The following VCAN variants were observed in gnomAD, a reference collection of about 807,000 sequenced individuals.
VCAN encodes versican.
In VCAN, 44 loss-of-function variants were observed where a neutral mutation model predicts 245.5. The observed-to-expected ratio is 0.18, with a 90% confidence interval of 0.14 to 0.23. VCAN has a LOEUF of 0.23. Among genes scored for constraint, VCAN ranks in the 10% least tolerant of loss-of-function variants. The probability of loss-of-function intolerance (pLI) is 1.00; values close to 1 mark genes in which losing one functional copy is unlikely to be tolerated. For missense variants in VCAN, 3,793 were observed against 4,057.9 expected, an observed-to-expected ratio of 0.93 and a Z score of 1.77; for synonymous variants, 1,413 against 1,437.0, an observed-to-expected ratio of 0.98 and a Z score of 0.38.
chr5:83,538,495 T>A lies in VCAN; in HGVS notation c.5492T>A (p.Val1831Asp). The A allele has an allele frequency of 6.2e-7, 1 of 1,614,052 alleles. No homozygotes were observed. The highest frequency in any genetic ancestry group is 8.5e-7 in the Non-Finnish European group (1 of 1,179,944). Residue 1831 changes from valine (V) to aspartate (D), a missense_variant, in exon 8 of 15, where the codon GTC (valine) becomes GAC (aspartate). Val to Asp is a radical substitution (Grantham distance 152). Around this residue, in one of 5 missense-constraint regions of VCAN, gnomAD observed 3,182 missense variants for 3,250.3 expected, o/e 0.98. Transcript: ENST00000265077. ...ACTCTCCCACGTAGTCCTGCCTCTG[T>A]CTTTATGGAGCAGGGCTCTGGAGAA... Reference protein sequence around the residue: ...LTTLPRSPASVFMEQGSGEAA... With the variant: ...LTTLPRSPASDFMEQGSGEAA...
intron 5 of VCAN, among the ~76,000 whole-genome samples, chr5:83,507,393 G>T (rs1745513984): frequency 1.3e-5 from 2 of 152,200 alleles, no homozygotes; most frequent in South Asian, 4.1e-4. Context: ...ACTGAAGGCT[G>T]TGCATTCCCT....
At chr5:83,556,498 T>A (rs1030543175) in intron 12 of VCAN, among the ~76,000 whole-genome samples, 39 of 152,294 alleles carry the variant, frequency 2.6e-4, no homozygotes, top group African/African-American at 6.5e-4. Flanking sequence ...TGGCAAGATG[T>A]GAGAAAAATA....
chr5:83,512,302 A>T lies in VCAN; in HGVS notation c.948A>T (p.Gly316=), dbSNP rs1477369240. 5 of 1,613,842 alleles carry T rather than the reference A, an allele frequency of 3.1e-6. No individual in the cohort carries two copies. The highest frequency in any genetic ancestry group is 2.5e-6 in the Non-Finnish European group (3 of 1,179,886). ...HPVTVARAQC[G]GGLLGVRTLY... ...TGACTGTGGCCAGGGCCCAGTGTGG[A>T]GGTGGTCTACTTGGGGTGAGAACCC... Residue 316 remains glycine (G), a synonymous_variant, in exon 6 of 15, where the codon GGA becomes GGT. Coordinates refer to ENST00000265077, the MANE Select transcript of VCAN (RefSeq NM_004385.5).
chr5:83,485,218 T>C (rs1416869440), intron 2 of VCAN, among the ~76,000 whole-genome samples: 1 of 151,750 alleles, frequency 6.6e-6, no homozygotes, highest in Admixed American at 6.6e-5. Context: ...TTCATAGGAG[T>C]GTGTGCTCTT....
At chr5:83,494,945 A>G (rs1288969186) in intron 5 of VCAN, among the ~76,000 whole-genome samples, 1 of 152,160 alleles carries the variant, frequency 6.6e-6, no homozygotes, top group Non-Finnish European at 1.5e-5. Context: ...GCGCCACAGC[A>G]CTCCAGCCTA....
At chr5:83,542,378 C>A in intron 8 of VCAN, 110 bp downstream of exon 8, 2 of 1,188,072 alleles carry the variant, frequency 1.7e-6, no homozygotes, top group Non-Finnish European at 2.4e-6. Flanking sequence ...TGGAGAGTTT[C>A]ATATTATTCA....
intron 5 of VCAN, among the ~76,000 whole-genome samples, chr5:83,499,076 C>G (rs1345594506): frequency 6.6e-6 from 1 of 152,044 alleles, no homozygotes; most frequent in Non-Finnish European, 1.5e-5. Context: ...TCTCAGGGAA[C>G]ACACACCCTT....
In VCAN at chr5:83,538,089, C is replaced by T; in HGVS notation, c.5086C>T (p.Pro1696Ser). 6.2e-7 allele frequency: 1 copy of T among 1,614,016 alleles called. No individual in the cohort carries two copies. ...CACCATTTATCCAGTTTCTGAACAA[C>T]CTTCTGCAAAAGTGGTGCCTACCAA... ...ATTIYPVSEQ[P>S]SAKVVPTKFV... Residue 1696 changes from proline (P) to serine (S), a missense_variant, in exon 8 of 15, where the codon CCT (proline) becomes TCT (serine). Pro to Ser is a moderately conservative substitution (Grantham distance 74, BLOSUM62 -1). Coordinates refer to ENST00000265077, the MANE Select transcript of VCAN (RefSeq NM_004385.5).
chr5:83,529,329 A>C (rs1424098176), intron 7 of VCAN, among the ~76,000 whole-genome samples: 1 of 133,130 alleles, frequency 7.5e-6, no homozygotes, highest in Non-Finnish European at 1.6e-5. Context: ...ATGGATAAAG[A>C]ATATTTGAAA....
chr5:83,482,932 C>G (rs1351789408), intron 1 of VCAN, among the ~76,000 whole-genome samples: 1 of 152,224 alleles, frequency 6.6e-6, no homozygotes, highest in Non-Finnish European at 1.5e-5. Context: ...GCTTAGCCAG[C>G]TAGAAACTAC....
chr5:83,493,521 CA>C (rs1561229884), intron 3 of VCAN, 24 bp from the exon 4 acceptor site: 1 of 1,612,580 alleles, frequency 6.2e-7, no homozygotes, highest in South Asian at 1.1e-5. Context: ...AACAGGCTGG[CA>C]ATTGTTTGCT....
intron 3 of VCAN, 143 bp downstream of exon 3, chr5:83,490,615 A>G (rs1388450416): frequency 8.5e-6 from 11 of 1,286,746 alleles, no homozygotes; most frequent in East Asian, 5.0e-5. Flanking sequence ...CACGTCTTTC[A>G]CCAAAAATGA....
intron 9 of VCAN, among the ~76,000 whole-genome samples, chr5:83,546,553 C>T (rs1329601850): frequency 2.7e-5 from 4 of 149,654 alleles, no homozygotes; most frequent in Non-Finnish European, 4.4e-5. Context: ...CCCAGAAGTT[C>T]GAGACCAGCC....
At chr5:83,572,678 T>TC in intron 13 of VCAN, 118 bp downstream of exon 13, 3 of 1,288,006 alleles carry the variant, frequency 2.3e-6, no homozygotes, top group Non-Finnish European at 3.3e-6. Flanking sequence ...TCCATGTATG[T>TC]CATCTCTCGT....
intron 12 of VCAN, among the ~76,000 whole-genome samples, chr5:83,561,742 CT>C (rs1747874317): frequency 6.6e-6 from 1 of 152,114 alleles, no homozygotes; most frequent in Admixed American, 6.6e-5. Context: ...GGAAGAGACA[CT>C]TAAAAGGGGC....
chr5:83,545,918 T>C (rs896953314), intron 9 of VCAN, among the ~76,000 whole-genome samples: 3 of 152,142 alleles, frequency 2.0e-5, no homozygotes, highest in Non-Finnish European at 4.4e-5. Flanking sequence ...AATGTAAAAA[T>C]GCATAAATAT....
intron 13 of VCAN, among the ~76,000 whole-genome samples, chr5:83,577,923 T>C (rs939200690): frequency 2.6e-5 from 4 of 152,194 alleles, no homozygotes; most frequent in Non-Finnish European, 5.9e-5. Context: ...AGTCTTCATA[T>C]TTAGTTTTAG....
At position 83,490,322 on chromosome 5, in the gene VCAN, G is replaced by A; in HGVS notation, c.295G>A (p.Gly99Arg). Reference protein sequence around the residue: ...GNIKIGQDYKGRVSVPTHPEA... With the variant: ...GNIKIGQDYKRRVSVPTHPEA... ...TATCAAGATTGGTCAGGACTACAAA[G>A]GGAGAGTGTCTGTGCCCACACATCC... Residue 99 changes from glycine (G) to arginine (R), a missense_variant, in exon 3 of 15, where the codon GGG (glycine) becomes AGG (arginine). Physicochemically the swap from Gly to Arg is moderately radical, Grantham distance 125. This residue lies in a region of VCAN where 179 missense variants were observed against 169.7 expected (regional missense o/e 1.05). Coordinates refer to ENST00000265077, the MANE Select transcript of VCAN (RefSeq NM_004385.5). 1 of 1,614,208 alleles carries A rather than the reference G, an allele frequency of 6.2e-7. No homozygotes were observed. The highest frequency in any genetic ancestry group is 2.2e-5 in the East Asian group (1 of 44,874).
At chr5:83,523,040 T>A (rs1746166024) in intron 7 of VCAN, among the ~76,000 whole-genome samples, 1 of 152,212 alleles carries the variant, frequency 6.6e-6, no homozygotes, top group African/African-American at 2.4e-5. Flanking sequence ...TTGTTCATTT[T>A]ATGATTTAAT....
Sources: allele counts gnomAD v4.1 joint callset (sites outside exome capture counted in the v4.1 genomes callset), GRCh38; gene constraint gnomAD v4.1.1; regional missense constraint gnomAD v4.1.1; transcripts MANE v1.5; gene names NCBI Gene and HGNC (gene_info 2026-07-23, HGNC 2026-07-21).